Variants in JAZF1 observed in about 807,000 individuals in gnomAD.
The protein encoded by JAZF1 is juxtaposed with another zinc finger protein 1.
Under a neutral mutation model 26.4 loss-of-function variants are expected in JAZF1, and 8 were observed. The observed-to-expected ratio is 0.30, with a 90% CI of 0.18 to 0.55. The LOEUF (loss-of-function observed/expected upper bound fraction) is 0.55, where lower values mean the gene tolerates loss of function less well. Among genes scored for constraint, JAZF1 ranks in the 20% least tolerant of loss-of-function variants. JAZF1 has a pLI of 0.94. For missense variants in JAZF1, 199 were observed against 322.0 expected (o/e 0.62, Z 2.92); for synonymous variants, 126 against 122.3 (o/e 1.03, Z -0.20).
intron 3 of JAZF1, among the ~76,000 whole-genome samples, chr7:27,876,025 A>G (rs1241969006): frequency 6.6e-6 from 1 of 152,182 alleles, no homozygotes; most frequent in Non-Finnish European, 1.5e-5. Flanking sequence ...AAAACTTCCT[A>G]GCAGTGTGGC....
intron 4 of JAZF1, among the ~76,000 whole-genome samples, chr7:27,836,187 T>C (rs1465996339): frequency 6.6e-6 from 1 of 152,066 alleles, no homozygotes; most frequent in African/African-American, 2.4e-5. Flanking sequence ...ATCTTACCAG[T>C]TGGGAGGAAG....
Position 28,172,007 on chromosome 7 carries a change from T to A in JAZF1, c.115+8456A>T, listed in dbSNP as rs558421304. On this transcript the variant is annotated intron_variant, in intron 1 of 4. Coordinates refer to ENST00000283928, the MANE Select transcript of JAZF1 (RefSeq NM_175061.4). ...ATTGAGATTAAGAAATCACAACAAA[T>A]CACAAAATTTTACAAGCCGCAATAC... Among the ~76,000 whole-genome samples, 34 of 152,130 alleles carry A rather than the reference T, an allele frequency of 2.2e-4. No individual in the cohort carries two copies. In the South Asian group the frequency reaches 6.4e-3, roughly 29 times the overall value.
intron 1 of JAZF1, among the ~76,000 whole-genome samples, chr7:28,061,146 A>C (rs1783790721): frequency 6.6e-6 from 1 of 152,256 alleles, no homozygotes; most frequent in Admixed American, 6.5e-5. Flanking sequence ...TGTAAGGATC[A>C]AATGAGTTAG....
chr7:27,856,503 G>T (rs1783257551), intron 3 of JAZF1, among the ~76,000 whole-genome samples: 1 of 152,190 alleles, frequency 6.6e-6, no homozygotes, highest in Non-Finnish European at 1.5e-5. Flanking sequence ...TCTCTTATCT[G>T]GCCCCACCCA....
chr7:27,909,679 C>T (rs185824915), intron 2 of JAZF1, among the ~76,000 whole-genome samples: 1 of 152,164 alleles, frequency 6.6e-6, no homozygotes, highest in Admixed American at 6.5e-5. Context: ...GCCCTCCAGC[C>T]TGGGCAACAA....
At chr7:28,096,166 A>T (rs1784381261) in intron 1 of JAZF1, among the ~76,000 whole-genome samples, 1 of 152,268 alleles carries the variant, frequency 6.6e-6, no homozygotes, top group African/African-American at 2.4e-5. Context: ...GCCACTGAAG[A>T]GAGAAGTGGG....
intron 1 of JAZF1, among the ~76,000 whole-genome samples, chr7:28,040,245 A>C (rs1185164017): frequency 6.6e-6 from 1 of 152,186 alleles, no homozygotes. Context: ...TTTTTTATTC[A>C]TTCATTCACC....
chr7:28,003,173 C>G (rs1397737448), intron 1 of JAZF1, among the ~76,000 whole-genome samples: 1 of 151,926 alleles, frequency 6.6e-6, no homozygotes, highest in Non-Finnish European at 1.5e-5. Context: ...ACCTAAAACT[C>G]TCATCTGAAA....
intron 2 of JAZF1, among the ~76,000 whole-genome samples, chr7:27,897,462 T>C (rs1784087785): frequency 1.3e-5 from 2 of 152,120 alleles, no homozygotes; most frequent in African/African-American, 4.8e-5. Flanking sequence ...ACGTACGTCT[T>C]TTCCCTTTCT....
intron 3 of JAZF1, among the ~76,000 whole-genome samples, chr7:27,869,164 GTAA>G (rs1783536161): frequency 6.6e-6 from 1 of 152,194 alleles, no homozygotes; most frequent in African/African-American, 2.4e-5. Context: ...ACGTGGTTTG[GTAA>G]TAAGACTAAG....
intron 1 of JAZF1, among the ~76,000 whole-genome samples, chr7:28,012,439 T>TA (rs543586393): frequency 1.3e-5 from 2 of 152,162 alleles, no homozygotes; most frequent in Non-Finnish European, 2.9e-5. Flanking sequence ...TTTTTTTCTT[T>TA]AAAAAACAAA....
At chr7:27,953,828 G>A (rs1013949274) in intron 2 of JAZF1, among the ~76,000 whole-genome samples, 1 of 152,212 alleles carries the variant, frequency 6.6e-6, no homozygotes, top group Admixed American at 6.5e-5. Flanking sequence ...CAGCTTCAAT[G>A]ATCTGGAGAA....
At chr7:28,162,901 G>C (rs919799308) in intron 1 of JAZF1, among the ~76,000 whole-genome samples, 1 of 152,206 alleles carries the variant, frequency 6.6e-6, no homozygotes, top group Non-Finnish European at 1.5e-5. Flanking sequence ...TGGAGCTTAA[G>C]ACTTCATGGT....
At chr7:27,907,682 C>G (rs1306444134) in intron 2 of JAZF1, among the ~76,000 whole-genome samples, 1 of 152,166 alleles carries the variant, frequency 6.6e-6, no homozygotes, top group Non-Finnish European at 1.5e-5. Flanking sequence ...TAATTAAACA[C>G]TGGGTTGAGA....
chr7:28,084,375 G>A (rs1784182156), intron 1 of JAZF1, among the ~76,000 whole-genome samples: 1 of 152,164 alleles, frequency 6.6e-6, no homozygotes, highest in Admixed American at 6.5e-5. Context: ...AGTACTATGA[G>A]ATGACTCTTT....
intron 2 of JAZF1, among the ~76,000 whole-genome samples, chr7:27,936,835 C>A (rs1372897989): frequency 6.6e-6 from 1 of 152,224 alleles, no homozygotes; most frequent in African/African-American, 2.4e-5. Flanking sequence ...TTATTATCCC[C>A]TCCAGAATGA....
chr7:28,018,285 A>C (rs953432546), intron 1 of JAZF1, among the ~76,000 whole-genome samples: 2 of 152,314 alleles, frequency 1.3e-5, no homozygotes, highest in East Asian at 3.9e-4. Context: ...CACAGAATCC[A>C]GTTAGTGTGG....
chr7:27,928,494 T>C (rs1029597148), intron 2 of JAZF1, among the ~76,000 whole-genome samples: 2 of 152,238 alleles, frequency 1.3e-5, no homozygotes, highest in Non-Finnish European at 2.9e-5. Context: ...ACACAATTCT[T>C]AAAAGCTTGC....
intron 1 of JAZF1, among the ~76,000 whole-genome samples, chr7:28,075,383 A>C (rs1375205697): frequency 6.6e-6 from 1 of 152,194 alleles, no homozygotes; most frequent in Non-Finnish European, 1.5e-5. Flanking sequence ...TAGTGAGCTA[A>C]ACTATCCCTA....
Sources: allele counts gnomAD v4.1 joint callset (sites outside exome capture counted in the v4.1 genomes callset), GRCh38; gene constraint gnomAD v4.1.1; transcripts MANE v1.5; gene names NCBI Gene and HGNC (gene_info 2026-07-23, HGNC 2026-07-21).